The following E2F3 variants were observed in gnomAD, a reference collection of about 807,000 sequenced individuals.
E2F3 encodes transcription factor E2F3.
A neutral mutation model predicts 44.4 loss-of-function variants in E2F3; 11 were observed. The observed-to-expected ratio is 0.25, with a 90% CI of 0.16 to 0.41. The LOEUF is 0.41. Among genes scored for constraint, E2F3 ranks in the 10% least tolerant of loss-of-function variants. E2F3 has a pLI of 1.00. For synonymous variants in E2F3, 249 were observed against 253.0 expected (o/e 0.98, Z 0.15); for missense variants, 487 against 583.6 (o/e 0.83, Z 1.70).
intron 1 of E2F3, among the ~76,000 whole-genome samples, chr6:20,409,658 T>C (rs148991267): frequency 6.5e-4 from 99 of 152,376 alleles, no homozygotes; most frequent in Non-Finnish European, 1.2e-3. Flanking sequence ...GCAAAGTGGC[T>C]AATCAGTTAA....
At chr6:20,452,987 TTCTTTTTG>T (rs1366557229) in intron 1 of E2F3, among the ~76,000 whole-genome samples, 2 of 60,178 alleles carry the variant, frequency 3.3e-5, no homozygotes, top group Non-Finnish European at 6.8e-5. Flanking sequence ...TCTTGTTTCT[TTCTTTTTG>T]TTTGTTTGTT....
chr6:20,424,256 AG>A (rs1373612031), intron 1 of E2F3, among the ~76,000 whole-genome samples: 1 of 53,030 alleles, frequency 1.9e-5, no homozygotes, highest in East Asian at 9.6e-4. Flanking sequence ...TGTGTTTTAA[AG>A]GTGTGACTTT....
intron 1 of E2F3, among the ~76,000 whole-genome samples, chr6:20,443,314 A>G (rs1760834704): frequency 6.9e-6 from 1 of 145,662 alleles, no homozygotes. Context: ...GTGCCTTCCT[A>G]TTTACAAAAG....
chr6:20,440,899 G>A (rs1760750959), intron 1 of E2F3, among the ~76,000 whole-genome samples: 1 of 151,834 alleles, frequency 6.6e-6, no homozygotes, highest in African/African-American at 2.4e-5. Context: ...GTAGGGGTGG[G>A]AAGACCCCAA....
intron 1 of E2F3, among the ~76,000 whole-genome samples, chr6:20,423,652 G>T (rs910178074): frequency 6.6e-6 from 1 of 151,764 alleles, no homozygotes; most frequent in African/African-American, 2.4e-5. Context: ...TGTATTTTTA[G>T]TAGAGACAGG....
intron 1 of E2F3, among the ~76,000 whole-genome samples, chr6:20,427,361 A>G (rs1436240590): frequency 6.6e-6 from 1 of 152,188 alleles, no homozygotes; most frequent in Non-Finnish European, 1.5e-5. Context: ...TTAGAAGTTC[A>G]GAACAATAAT....
chr6:20,436,521 T>G (rs951599653), intron 1 of E2F3, among the ~76,000 whole-genome samples: 8 of 151,660 alleles, frequency 5.3e-5, no homozygotes, highest in African/African-American at 1.9e-4. Context: ...TTTAAGAAAC[T>G]TCGTGAATTT....
chr6:20,480,506 A>G (rs773632337), intron 2 of E2F3, among the ~76,000 whole-genome samples: 1 of 152,228 alleles, frequency 6.6e-6, no homozygotes, highest in Non-Finnish European at 1.5e-5. Flanking sequence ...CATAAGGGCT[A>G]AATTAGACTT....
In E2F3 at chr6:20,482,910, G is replaced by A; in HGVS notation, c.874G>A (p.Glu292Lys). 1 of 1,613,652 alleles carries A rather than the reference G, an allele frequency of 6.2e-7. No individual in the cohort carries two copies. Among genetic ancestry groups the A allele is most frequent in the Non-Finnish European group, 8.5e-7 (1 of 1,179,650 alleles). ...CCTCAAACTGTTAACCGAGGATTCAGAGAATCAAAGATATCCTTTGTGCCG... is the reference window on the plus strand; with the variant it reads ...CCTCAAACTGTTAACCGAGGATTCAAAGAATCAAAGATATCCTTTGTGCCG... Reference protein sequence around the residue: ...LDLKLLTEDSENQRLAYVTYQ... With the variant: ...LDLKLLTEDSKNQRLAYVTYQ... The change falls in exon 4 of 7, where the codon GAG (glutamate) becomes AAG (lysine). Residue 292 changes from glutamate (E) to lysine (K), a missense_variant. This residue lies in a region of E2F3 where 220 missense variants were observed against 261.7 expected (regional missense o/e 0.84). Transcript: ENST00000346618.
At chr6:20,403,653 C>G (rs1191772933) in intron 1 of E2F3, 3 of 530,892 alleles carry the variant, frequency 5.7e-6, no homozygotes, top group Non-Finnish European at 9.8e-6. Context: ...TGGGACGGTC[C>G]CGGCGCCCTC....
rs1405538377 is a variant in E2F3 at position 20,492,054 on chromosome 6, A to G, written c.*1624A>G. On this transcript the variant is annotated 3_prime_UTR_variant, in exon 7 of 7. Coordinates refer to ENST00000346618, the MANE Select transcript of E2F3 (RefSeq NM_001949.5). ...CAGATAAAGAACAAACCTCGAAACG[A>G]ACAGTTAAATTGAAATGCTATGTGC... The G allele has an allele frequency of 2.5e-5, 5 of 201,468 alleles. No homozygotes were observed. The highest frequency in any genetic ancestry group is 5.1e-5 in the Non-Finnish European group (5 of 97,572). 12.5% of individuals were successfully genotyped at this position (201,468 alleles called of 1,614,324 possible).
At chr6:20,449,863 C>A (rs1374529796) in intron 1 of E2F3, among the ~76,000 whole-genome samples, 1 of 152,112 alleles carries the variant, frequency 6.6e-6, no homozygotes, top group Non-Finnish European at 1.5e-5. Flanking sequence ...TAAGTGAGAA[C>A]ATGCAGTATA....
At chr6:20,476,864 C>T (rs1444369003) in intron 1 of E2F3, among the ~76,000 whole-genome samples, 3 of 152,198 alleles carry the variant, frequency 2.0e-5, no homozygotes, top group South Asian at 2.1e-4. Flanking sequence ...AAGGACTTGA[C>T]AGAATGGCTG....
chr6:20,417,181 G>T (rs1382045368), intron 1 of E2F3, among the ~76,000 whole-genome samples: 2 of 152,150 alleles, frequency 1.3e-5, no homozygotes, highest in Non-Finnish European at 2.9e-5. Flanking sequence ...TGAAATGGTA[G>T]CTCTCCTTTG....
At chr6:20,417,188 T>G (rs1256382553) in intron 1 of E2F3, among the ~76,000 whole-genome samples, 1 of 152,224 alleles carries the variant, frequency 6.6e-6, no homozygotes, top group African/African-American at 2.4e-5. Flanking sequence ...GTAGCTCTCC[T>G]TTGTATGTCT....
At chr6:20,414,296 T>TA (rs1759771994) in intron 1 of E2F3, among the ~76,000 whole-genome samples, 1 of 152,210 alleles carries the variant, frequency 6.6e-6, no homozygotes, top group South Asian at 2.1e-4. Flanking sequence ...CATCAGATGT[T>TA]ATTTATTACA....
At chr6:20,418,456 A>G (rs1759921393) in intron 1 of E2F3, among the ~76,000 whole-genome samples, 2 of 152,222 alleles carry the variant, frequency 1.3e-5, no homozygotes, top group South Asian at 4.1e-4. Context: ...GGAGATCTCA[A>G]TAGGAGTAGG....
rs200487331 is a variant in E2F3 at position 20,488,108 on chromosome 6, C to A, written c.1000-5C>A. 2.7e-5 allele frequency: 44 copies of A among 1,613,632 alleles called. 1 individual carries two copies. The Middle Eastern group carries it at 5.1e-4, about 19-fold the overall frequency. ...GATTCGAACTTCTCCCACTTCTGTT[C>A]ATAGAGCCTACAAATACATTTGGCA... On this transcript the variant is annotated splice_polypyrimidine_tract_variant and splice_region_variant and intron_variant, in intron 5 of 6. Coordinates refer to ENST00000346618, the MANE Select transcript of E2F3 (RefSeq NM_001949.5).
chr6:20,447,990 C>A (rs1441835062), intron 1 of E2F3, among the ~76,000 whole-genome samples: 1 of 152,210 alleles, frequency 6.6e-6, no homozygotes, highest in Non-Finnish European at 1.5e-5. Flanking sequence ...GGTAATCCAT[C>A]ACATCGTCCT....
Sources: gnomAD v4.1 joint callset for allele counts (sites outside exome capture counted in the v4.1 genomes callset) on GRCh38, gnomAD v4.1.1 for gene constraint, gnomAD v4.1.1 regional missense constraint, MANE v1.5 for transcripts, NCBI Gene and HGNC (gene_info 2026-07-23, HGNC 2026-07-21) for gene names.